The following ARIH1 variants were observed in gnomAD, a reference collection of about 807,000 sequenced individuals.
ARIH1 encodes ariadne RBR E3 ubiquitin protein ligase 1, also known as E3 ubiquitin-protein ligase ARIH1.
A neutral mutation model predicts 85.0 loss-of-function variants in ARIH1; 8 were observed. The observed-to-expected ratio is 0.09, with a 90% CI of 0.06 to 0.17. The LOEUF (loss-of-function observed/expected upper bound fraction) is 0.17. Among genes scored for constraint, ARIH1 ranks in the 10% least tolerant of loss-of-function variants. The probability of loss-of-function intolerance (pLI) is 1.00; values close to 1 mark genes in which losing one functional copy is unlikely to be tolerated. For synonymous variants in ARIH1, 238 were observed against 253.6 expected (o/e 0.94, Z 0.59); for missense variants, 311 against 718.1 (o/e 0.43, Z 6.48).
At chr15:72,481,794 CT>C (rs2063817445) in intron 1 of ARIH1, among the ~76,000 whole-genome samples, 1 of 152,216 alleles carries the variant, frequency 6.6e-6, no homozygotes, top group South Asian at 2.1e-4. Flanking sequence ...TCATGCTATG[CT>C]ATCCTTCAGC....
intron 11 of ARIH1, among the ~76,000 whole-genome samples, chr15:72,573,822 T>C (rs1397118432): frequency 1.3e-5 from 2 of 152,140 alleles, no homozygotes; most frequent in Non-Finnish European, 2.9e-5. Flanking sequence ...ATTTGGTAGA[T>C]ACTGTTGTTG....
In ARIH1 at chr15:72,583,462, A is replaced by G; in HGVS notation, c.*170A>G. ...AGTTTAAGTAAATTATATTGTAATA[A>G]AAAGGTAGATAAACCATTGTACAAC... On this transcript the variant is annotated 3_prime_UTR_variant, in exon 14 of 14. Transcript: ENST00000379887. 1.9e-6 allele frequency: 1 copy of G among 514,660 alleles called. No individual in the cohort carries two copies. Among genetic ancestry groups the G allele is most frequent in the Non-Finnish European group, 3.4e-6 (1 of 291,198 alleles). The allele number at this position is 514,660 out of a possible 1,614,324, so 31.9% of individuals were successfully genotyped here.
rs2064384449 is a variant in ARIH1 at position 72,602,252 on chromosome 15, G to A, written c.*18960G>A. 1 of 152,200 alleles carries A rather than the reference G, an allele frequency of 6.6e-6. No individual in the cohort carries two copies. The highest frequency in any genetic ancestry group is 6.5e-5 in the Admixed American group (1 of 15,280). 9.4% of individuals were successfully genotyped at this position (152,200 alleles called of 1,614,324 possible). A position where few individuals can be genotyped will look rare whatever the true frequency, so the allele number is the denominator to read the frequency against. ...TAATTTTGGTAGTTATTGCCAAACTGCTCTCAATGGAAGTTTTATGAATTC... is the reference window on the plus strand; with the variant it reads ...TAATTTTGGTAGTTATTGCCAAACTACTCTCAATGGAAGTTTTATGAATTC... On this transcript the variant is annotated 3_prime_UTR_variant, in exon 14 of 14. Coordinates refer to ENST00000379887, the MANE Select transcript of ARIH1 (RefSeq NM_005744.5).
intron 11 of ARIH1, 29 bp from the exon 12 acceptor site, chr15:72,580,702 A>G: frequency 1.9e-6 from 3 of 1,586,598 alleles, no homozygotes; most frequent in South Asian, 2.3e-5. Context: ...TGTTATAATT[A>G]TATCACCCAA....
At chr15:72,497,459 T>TA (rs11321448) in intron 1 of ARIH1, among the ~76,000 whole-genome samples, 14 of 151,032 alleles carry the variant, frequency 9.3e-5, no homozygotes, top group African/African-American at 3.4e-4. Flanking sequence ...ATTTCTGGCT[T>TA]AAAAAAAAAA....
intron 1 of ARIH1, among the ~76,000 whole-genome samples, chr15:72,478,377 A>G (rs1384375903): frequency 6.6e-6 from 1 of 152,072 alleles, no homozygotes; most frequent in Non-Finnish European, 1.5e-5. Flanking sequence ...TGGGCCTCCC[A>G]AAGTGCTGGG....
intron 1 of ARIH1, among the ~76,000 whole-genome samples, chr15:72,486,500 A>T (rs888693333): frequency 6.6e-6 from 1 of 152,092 alleles, no homozygotes; most frequent in African/African-American, 2.4e-5. Context: ...ATGTTCCCTG[A>T]GGATGAAGGG....
intron 2 of ARIH1, among the ~76,000 whole-genome samples, chr15:72,526,319 A>G (rs904320441): frequency 6.6e-6 from 1 of 152,160 alleles, no homozygotes; most frequent in Non-Finnish European, 1.5e-5. Context: ...CCTGAGGGCA[A>G]TAGAGGTATA....
intron 1 of ARIH1, among the ~76,000 whole-genome samples, chr15:72,512,463 T>C (rs1253131392): frequency 6.6e-6 from 1 of 151,954 alleles, no homozygotes; most frequent in African/African-American, 2.4e-5. Flanking sequence ...GGTAGAGTTT[T>C]ATTAGTTTCA....
intron 11 of ARIH1, among the ~76,000 whole-genome samples, chr15:72,579,672 G>A (rs1454358148): frequency 6.6e-6 from 1 of 151,894 alleles, no homozygotes; most frequent in Non-Finnish European, 1.5e-5. Context: ...GGTGTGGCTT[G>A]TGGCTACTGT....
At chr15:72,485,140 T>TA (rs1162641332) in intron 1 of ARIH1, among the ~76,000 whole-genome samples, 1 of 152,234 alleles carries the variant, frequency 6.6e-6, no homozygotes, top group Non-Finnish European at 1.5e-5. Flanking sequence ...ACTGAAGTTG[T>TA]ATAGCATTGA....
intron 3 of ARIH1, among the ~76,000 whole-genome samples, chr15:72,545,863 T>C (rs2064126731): frequency 6.6e-6 from 1 of 152,156 alleles, no homozygotes; most frequent in African/African-American, 2.4e-5. Context: ...ACTGAGATGA[T>C]TTACTTACTT....
chr15:72,577,376 A>C (rs754600631), intron 11 of ARIH1, among the ~76,000 whole-genome samples: 1 of 152,126 alleles, frequency 6.6e-6, no homozygotes, highest in Non-Finnish European at 1.5e-5. Flanking sequence ...ACTTTTTATT[A>C]AGTAGAAGTG....
chr15:72,483,909 C>T (rs557964162), intron 1 of ARIH1, among the ~76,000 whole-genome samples: 197 of 151,650 alleles, frequency 1.3e-3, no homozygotes, highest in South Asian at 7.3e-3. Flanking sequence ...TGGTGGCTCA[C>T]GCCTGTAATC....
chr15:72,495,859 A>G (rs751408285), intron 1 of ARIH1, among the ~76,000 whole-genome samples: 70 of 152,190 alleles, frequency 4.6e-4, no homozygotes, highest in South Asian at 2.1e-4. Flanking sequence ...GTGTAACTAT[A>G]TATGCTATAT....
chr15:72,531,777 T>C (rs780778648), intron 2 of ARIH1, among the ~76,000 whole-genome samples: 5 of 152,232 alleles, frequency 3.3e-5, no homozygotes, highest in Non-Finnish European at 7.3e-5. Context: ...CCTAGAATAC[T>C]ATGTTCATGG....
In ARIH1 at chr15:72,570,173, A is replaced by G. The variant is rs774174352; in HGVS notation, c.1027-4A>G. ...GACACCAACTTTATAGTTTCTCTTC[A>G]TAGGAATGTCCCAAATGCCATGTCA... On this transcript the variant is annotated splice_polypyrimidine_tract_variant and splice_region_variant and intron_variant, in intron 9 of 13. Transcript: ENST00000379887. 6.2e-7 allele frequency: 1 copy of G among 1,613,736 alleles called. No homozygotes were observed. Among genetic ancestry groups the G allele is most frequent in the African/African-American group, 1.3e-5 (1 of 74,908 alleles).
At chr15:72,543,332 G>C (rs2064116105) in intron 2 of ARIH1, among the ~76,000 whole-genome samples, 1 of 152,048 alleles carries the variant, frequency 6.6e-6, no homozygotes, top group South Asian at 2.1e-4. Flanking sequence ...ACTCCAGTCT[G>C]GGCGACAGAG....
At chr15:72,517,744 G>A (rs756500491) in intron 1 of ARIH1, among the ~76,000 whole-genome samples, 1 of 152,018 alleles carries the variant, frequency 6.6e-6, no homozygotes, top group Non-Finnish European at 1.5e-5. Flanking sequence ...TACATTTAGT[G>A]TGCTGATGTG....
Sources: allele counts gnomAD v4.1 joint callset (sites outside exome capture counted in the v4.1 genomes callset), GRCh38; gene constraint gnomAD v4.1.1; transcripts MANE v1.5; gene names NCBI Gene and HGNC (gene_info 2026-07-23, HGNC 2026-07-21).